The following TM4SF20 variants were observed in gnomAD, a reference collection of about 807,000 sequenced individuals.
TM4SF20 encodes the protein transmembrane 4 L6 family member 20.
Under a neutral mutation model 15.1 loss-of-function variants are expected in TM4SF20, and 13 were observed. The ratio of observed to expected loss-of-function variants is 0.86; its 90% confidence interval spans 0.56 to 1.36. The LOEUF is 1.36. Among genes scored for constraint, TM4SF20 ranks in the 40% most tolerant of loss-of-function variants. The pLI is 0.00. For synonymous variants in TM4SF20, 92 were observed against 96.6 expected (o/e 0.95, Z 0.28); for missense variants, 282 against 268.4 (o/e 1.05, Z -0.35).
chr2:227,381,432 T>C (rs2076479421), upstream of TM4SF20, among the ~76,000 whole-genome samples: 1 of 151,748 alleles, frequency 6.6e-6, no homozygotes, highest in Non-Finnish European at 1.5e-5. Flanking sequence ...TATATAATAT[T>C]CTAAAAAAAT....
chr2:227,380,570 G>A (rs1368280968), upstream of TM4SF20, among the ~76,000 whole-genome samples: 1 of 152,144 alleles, frequency 6.6e-6, no homozygotes, highest in Non-Finnish European at 1.5e-5. Context: ...CATTTCATTG[G>A]CCAAAAAAGT....
intron 1 of TM4SF20, among the ~76,000 whole-genome samples, chr2:227,378,012 C>A (rs761073285): frequency 6.6e-6 from 1 of 151,828 alleles, no homozygotes; most frequent in East Asian, 1.9e-4. Flanking sequence ...AAGTCACCTC[C>A]GTGTTTTATT....
At chr2:227,365,474 A>G (rs570709091) in intron 3 of TM4SF20, among the ~76,000 whole-genome samples, 1 of 152,224 alleles carries the variant, frequency 6.6e-6, no homozygotes, top group African/African-American at 2.4e-5. Flanking sequence ...TATTAAGTAC[A>G]TGTAACTCTC....
intron 3 of TM4SF20, among the ~76,000 whole-genome samples, chr2:227,364,382 T>TTCC (rs1575020868): frequency 2.9e-5 from 4 of 137,126 alleles, no homozygotes; most frequent in African/African-American, 1.3e-4. Context: ...GAGCCTCCCC[T>TTCC]ACCCCCCGCC....
chr2:227,373,942 A>AAAAAAAAC, intron 1 of TM4SF20, among the ~76,000 whole-genome samples: 1 of 151,722 alleles, frequency 6.6e-6, no homozygotes, highest in African/African-American at 2.4e-5. Flanking sequence ...AAAAAAAAAA[A>AAAAAAAAC]AAAATATGTG....
intron 3 of TM4SF20, 106 bp downstream of exon 3, chr2:227,365,987 G>T: frequency 8.6e-7 from 1 of 1,166,538 alleles, no homozygotes; most frequent in Non-Finnish European, 1.2e-6. Flanking sequence ...GTTTGTCCCG[G>T]CAGTTGCATC....
chr2:227,364,842 A>T (rs551025716), intron 3 of TM4SF20, among the ~76,000 whole-genome samples: 4 of 152,100 alleles, frequency 2.6e-5, no homozygotes, highest in Non-Finnish European at 5.9e-5. Context: ...TTCCCTGGGG[A>T]TTTAATGTGC....
rs756737873 is a variant in TM4SF20, at chr2:227,379,237, T to C, written c.32A>G (p.Asn11Ser). Residue 11 changes from asparagine to serine, a missense_variant, in exon 1 of 4, where the codon AAT (asparagine) becomes AGT (serine). By Grantham distance (46) the Asn-to-Ser change is conservative. Transcript: ENST00000304568. ...CAGTAGAACCAGCAGGCTGAATCCA[T>C]TGCAGGATGTCCATCCTTCGCAGCA... MTCCEGWTSC[N>S]GFSLLVLLLL... The C allele has an allele frequency of 4.3e-6, 7 of 1,614,042 alleles. No individual in the cohort carries two copies. The highest frequency in any genetic ancestry group is 5.9e-6 in the Non-Finnish European group (7 of 1,180,022).
chr2:227,373,529 A>G (rs1183890774), intron 1 of TM4SF20, among the ~76,000 whole-genome samples: 1 of 152,216 alleles, frequency 6.6e-6, no homozygotes, highest in Non-Finnish European at 1.5e-5. Flanking sequence ...CTGGCAAACT[A>G]TGGCCCACCA....
At chr2:227,380,858 A>T (rs2076476577), upstream of TM4SF20, among the ~76,000 whole-genome samples, 1 of 152,198 alleles carries the variant, frequency 6.6e-6, no homozygotes, top group Admixed American at 6.5e-5. Flanking sequence ...ACAGCCTGGT[A>T]CAAGGGGCAT....
intron 1 of TM4SF20, among the ~76,000 whole-genome samples, 196 bp downstream of exon 1, chr2:227,378,890 T>C (rs2076464335): frequency 1.3e-5 from 2 of 152,234 alleles, no homozygotes; most frequent in African/African-American, 2.4e-5. Context: ...CCCAGCTCTC[T>C]ATCCTATACC....
Position 227,366,716 on chromosome 2 carries a change from C to CAAA in TM4SF20, c.250-475_250-473dup, listed in dbSNP as rs59401554. On this transcript the variant is annotated intron_variant, in intron 2 of 3. Transcript: ENST00000304568. Reference sequence around the variant, plus strand: ...GCTGGGTGACAGAGCAAGACTCTGTCAAAAAAAAAAAAAAAAAAAAAAAAA... The same window carrying CAAA: ...GCTGGGTGACAGAGCAAGACTCTGTCAAAAAAAAAAAAAAAAAAAAAAAAAAAA... Among the ~76,000 whole-genome samples the CAAA allele has an allele frequency of 2.3e-3, 160 of 68,210 alleles. 16 individuals carry two copies. The highest frequency in any genetic ancestry group is 7.5e-3 in the East Asian group (13 of 1,734). The allele number at this position is 68,210 out of a possible 152,430, so 44.7% of individuals were successfully genotyped here.
intron 1 of TM4SF20, among the ~76,000 whole-genome samples, chr2:227,371,346 T>C (rs578196815): frequency 7.9e-5 from 12 of 152,198 alleles, no homozygotes; most frequent in Non-Finnish European, 1.6e-4. Flanking sequence ...ACTCTGTTGT[T>C]TGTTTGTTTA....
Position 227,365,650 on chromosome 2 carries a change from A to G in TM4SF20, c.401+443T>C, listed in dbSNP as rs1575021363. ...TTTTATTAAATTTTTTAAATTGTAA[A>G]TGTAATATTTGCTCATGGTTGACAA... is the stretch of plus-strand genomic sequence containing the variant. On this transcript the variant is annotated intron_variant, in intron 3 of 3. Coordinates refer to ENST00000304568, the MANE Select transcript of TM4SF20 (RefSeq NM_024795.4). 3.3e-5 allele frequency among the ~76,000 whole-genome samples: 5 copies of G among 152,194 alleles called. No individual in the cohort carries two copies. The East Asian group carries it at 9.6e-4, about 29-fold the overall frequency.
At chr2:227,378,631 C>T (rs748809914) in intron 1 of TM4SF20, among the ~76,000 whole-genome samples, 1 of 152,176 alleles carries the variant, frequency 6.6e-6, no homozygotes, top group African/African-American at 2.4e-5. Context: ...ATTCATGCCT[C>T]GTAATTACCA....
At chr2:227,374,250 G>C (rs1382458779) in intron 1 of TM4SF20, among the ~76,000 whole-genome samples, 1 of 152,068 alleles carries the variant, frequency 6.6e-6, no homozygotes, top group Non-Finnish European at 1.5e-5. Context: ...CTTACAAAGG[G>C]GTTTTATAAA....
rs1363706977 is a variant in TM4SF20 at position 227,363,890 on chromosome 2, A to G, written c.524T>C (p.Phe175Ser). The G allele has an allele frequency of 6.2e-7, 1 of 1,614,206 alleles. No individual in the cohort carries two copies. The highest frequency in any genetic ancestry group is 8.5e-7 in the Non-Finnish European group (1 of 1,180,026). ...TTTGTTTTCTTCAGAATCGAAGTGG[A>G]AACTAGATGCTCTCCAGCCACTCGC... ...TMASGWRASS[F>S]HFDSEENKHR... The change falls in exon 4 of 4, where the codon TTC becomes TCC. Residue 175 changes from phenylalanine to serine, a missense_variant. By Grantham distance (155) the Phe-to-Ser change is radical (BLOSUM62 -2). Coordinates refer to ENST00000304568, the MANE Select transcript of TM4SF20 (RefSeq NM_024795.4).
At chr2:227,375,259 G>A (rs1182542474) in intron 1 of TM4SF20, among the ~76,000 whole-genome samples, 1 of 152,002 alleles carries the variant, frequency 6.6e-6, no homozygotes, top group Non-Finnish European at 1.5e-5. Flanking sequence ...GGGCAATAGT[G>A]GTGCATGCCT....
chr2:227,379,108 C>A lies in TM4SF20; in HGVS notation c.161G>T (p.Gly54Val). Residue 54 changes from glycine (G) to valine (V), a missense_variant, in exon 1 of 4, where the codon GGA becomes GTA. Gly to Val is a moderately radical substitution (Grantham distance 109, BLOSUM62 -3). Transcript: ENST00000304568. The stretch of plus-strand genomic sequence containing the variant: ...CACCATCAGACCTGCTCCTATAATT[C>A]CTGGGAACCACCACTCAAAGCAAGA... Reference protein sequence around the residue: ...PISCFEWWFPGIIGAGLMAIP... With the variant: ...PISCFEWWFPVIIGAGLMAIP... 6.2e-7 allele frequency: 1 copy of A among 1,614,122 alleles called. No homozygotes were observed. Among genetic ancestry groups the A allele is most frequent in the Non-Finnish European group, 8.5e-7 (1 of 1,180,014 alleles).
Sources: gnomAD v4.1 joint callset for allele counts (sites outside exome capture counted in the v4.1 genomes callset) on GRCh38, gnomAD v4.1.1 for gene constraint, MANE v1.5 for transcripts, NCBI Gene and HGNC (gene_info 2026-07-23, HGNC 2026-07-21) for gene names.